ZFPM2: variants seen among roughly 807,000 people sequenced by gnomAD.
The protein encoded by ZFPM2 is zinc finger protein ZFPM2.
In ZFPM2, 20 loss-of-function variants were observed where a neutral mutation model predicts 98.6. The ratio of observed to expected loss-of-function variants is 0.20; its 90% CI spans 0.14 to 0.29. The LOEUF (loss-of-function observed/expected upper bound fraction) is 0.29, where lower values mean the gene tolerates loss of function less well. ZFPM2 is among the 10% of genes least tolerant of loss of function. The pLI is 1.00. For missense variants in ZFPM2, 1,310 were observed against 1,388.6 expected (o/e 0.94, Z 0.90); for synonymous variants, 518 against 502.7 (o/e 1.03, Z -0.41).
intron 1 of ZFPM2, among the ~76,000 whole-genome samples, chr8:105,344,103 C>T (rs1175088968): frequency 6.6e-6 from 1 of 152,102 alleles, no homozygotes; most frequent in African/African-American, 2.4e-5. Flanking sequence ...TATTCACTAT[C>T]ACGAGAACAG....
intron 1 of ZFPM2, among the ~76,000 whole-genome samples, chr8:105,395,380 G>A (rs183750465): frequency 3.3e-5 from 5 of 152,236 alleles, no homozygotes; most frequent in Admixed American, 3.3e-4. Flanking sequence ...AAATAAGAAG[G>A]GGGTCATTTA....
intron 5 of ZFPM2, among the ~76,000 whole-genome samples, chr8:105,739,064 G>A (rs1395816480): frequency 6.6e-6 from 1 of 151,978 alleles, no homozygotes; most frequent in African/African-American, 2.4e-5. Flanking sequence ...TGACAACAGA[G>A]GGAAGTAAGC....
intron 5 of ZFPM2, among the ~76,000 whole-genome samples, chr8:105,669,367 G>A (rs908295979): frequency 6.0e-5 from 9 of 150,876 alleles, no homozygotes; most frequent in African/African-American, 9.7e-5. Context: ...ACCTACTTTC[G>A]CATTTACTTT....
At chr8:105,522,499 C>T (rs1470907392) in intron 3 of ZFPM2, among the ~76,000 whole-genome samples, 15 of 152,076 alleles carry the variant, frequency 9.9e-5, no homozygotes, top group Admixed American at 6.6e-4. Context: ...TGGCTGGGCG[C>T]GGTGGCTCAC....
rs549772718 is a variant in ZFPM2 at position 105,653,568 on chromosome 8, A to G, written c.532+19211A>G. 1.2e-4 allele frequency among the ~76,000 whole-genome samples: 19 copies of G among 152,312 alleles called. No homozygotes were observed. The East Asian group carries it at 3.3e-3, about 26-fold the overall frequency. On this transcript the variant is annotated intron_variant, in intron 5 of 7. Coordinates refer to ENST00000407775, the MANE Select transcript of ZFPM2 (RefSeq NM_012082.4). ...GGCCTCACTCAGACCTGCTAAATCC[A>G]TATGTGCATTTTAACAAGATCCTAG...
chr8:105,383,466 TTC>T (rs1810926949), intron 1 of ZFPM2, among the ~76,000 whole-genome samples: 1 of 152,172 alleles, frequency 6.6e-6, no homozygotes, highest in Non-Finnish European at 1.5e-5. Flanking sequence ...TATTTTGTTC[TTC>T]TGTTTTAATA....
intron 1 of ZFPM2, among the ~76,000 whole-genome samples, chr8:105,383,117 C>T (rs1308496244): frequency 1.3e-5 from 2 of 151,958 alleles, no homozygotes; most frequent in Admixed American, 6.6e-5. Flanking sequence ...TTTGCCTGAG[C>T]TTTAAAGAAA....
At chr8:105,510,129 T>A (rs1195971659) in intron 3 of ZFPM2, among the ~76,000 whole-genome samples, 1 of 152,174 alleles carries the variant, frequency 6.6e-6, no homozygotes, top group East Asian at 1.9e-4. Flanking sequence ...ATTGAGCTGT[T>A]CATACCCTTT....
intron 5 of ZFPM2, among the ~76,000 whole-genome samples, chr8:105,725,816 T>G (rs1490533573): frequency 6.6e-6 from 1 of 151,682 alleles, no homozygotes; most frequent in East Asian, 2.0e-4. Flanking sequence ...TTGTGTCAGC[T>G]CTTACCACAC....
intron 5 of ZFPM2, among the ~76,000 whole-genome samples, chr8:105,639,645 A>G (rs1816912980): frequency 6.6e-6 from 1 of 152,096 alleles, no homozygotes; most frequent in Non-Finnish European, 1.5e-5. Flanking sequence ...TGAAGCACCC[A>G]TTTACATGAT....
intron 1 of ZFPM2, among the ~76,000 whole-genome samples, chr8:105,394,232 T>A (rs1811176911): frequency 1.3e-5 from 2 of 152,262 alleles, no homozygotes; most frequent in South Asian, 4.1e-4. Flanking sequence ...CATATTGAGA[T>A]GCTCCTGCAA....
intron 1 of ZFPM2, 108 bp downstream of exon 1, chr8:105,319,089 C>T (rs887073971): frequency 4.6e-6 from 6 of 1,301,246 alleles, no homozygotes; most frequent in Admixed American, 5.0e-5. Context: ...GATCCGCTCC[C>T]GGTCCCCTAG....
At chr8:105,526,663 T>C (rs202031571) in intron 3 of ZFPM2, among the ~76,000 whole-genome samples, 1 of 152,242 alleles carries the variant, frequency 6.6e-6, no homozygotes, top group East Asian at 1.9e-4. Flanking sequence ...AGCCACACGG[T>C]TGGGTAAAAC....
intron 4 of ZFPM2, among the ~76,000 whole-genome samples, chr8:105,611,789 C>T (rs959136906): frequency 6.6e-6 from 1 of 151,690 alleles, no homozygotes; most frequent in East Asian, 1.9e-4. Flanking sequence ...ACTTCCACCT[C>T]CCGGGTTCAA....
intron 3 of ZFPM2, among the ~76,000 whole-genome samples, chr8:105,473,875 C>A (rs1394885999): frequency 6.6e-6 from 1 of 152,118 alleles, no homozygotes; most frequent in Non-Finnish European, 1.5e-5. Flanking sequence ...AGCACACATA[C>A]ATACACATGT....
At chr8:105,752,939 G>A (rs2131056323) in intron 5 of ZFPM2, among the ~76,000 whole-genome samples, 1 of 152,244 alleles carries the variant, frequency 6.6e-6, no homozygotes, top group East Asian at 1.9e-4. Flanking sequence ...TAATTGGGGA[G>A]AGGGCCAGGA....
At chr8:105,544,830 G>A (rs1814658167) in intron 3 of ZFPM2, among the ~76,000 whole-genome samples, 1 of 152,106 alleles carries the variant, frequency 6.6e-6, no homozygotes, top group African/African-American at 2.4e-5. Flanking sequence ...GGAGTGGTGA[G>A]AACTAAATTC....
intron 4 of ZFPM2, among the ~76,000 whole-genome samples, chr8:105,567,746 A>G (rs1043685300): frequency 4.6e-5 from 7 of 152,130 alleles, no homozygotes; most frequent in African/African-American, 1.7e-4. Context: ...GACCTCTACT[A>G]CTGGTACATA....
intron 5 of ZFPM2, among the ~76,000 whole-genome samples, chr8:105,698,173 A>C (rs1233733793): frequency 6.6e-6 from 1 of 152,192 alleles, no homozygotes; most frequent in African/African-American, 2.4e-5. Flanking sequence ...TTTGAATACT[A>C]GTTCTACCTT....
Sources: allele counts gnomAD v4.1 joint callset (sites outside exome capture counted in the v4.1 genomes callset), GRCh38; gene constraint gnomAD v4.1.1; transcripts MANE v1.5; gene names NCBI Gene and HGNC (gene_info 2026-07-23, HGNC 2026-07-21).